The following SETX variants were observed in gnomAD, a reference collection of about 807,000 sequenced individuals.
The protein encoded by SETX is helicase senataxin.
SETX carries 90 observed loss-of-function variants against 227.2 expected under a neutral mutation model. The observed-to-expected ratio is 0.40, with a 90% CI of 0.33 to 0.47. The LOEUF is 0.47. SETX is among the 20% of genes least tolerant of loss of function. SETX has a pLI of 0.91. For synonymous variants in SETX, 1,210 were observed against 1,113.2 expected, an observed-to-expected ratio of 1.09 and a Z score of -1.73; for missense variants, 3,052 against 3,181.5, an observed-to-expected ratio of 0.96 and a Z score of 0.98.
chr9:132,354,524 A>T lies in SETX; in HGVS notation c.-115+393T>A, dbSNP rs1285786492. Among the ~76,000 whole-genome samples the T allele has an allele frequency of 2.6e-5, 4 of 151,834 alleles. No homozygotes were observed. The East Asian group carries it at 7.8e-4, about 29-fold the overall frequency. On this transcript the variant is annotated intron_variant, in intron 1 of 25. Coordinates refer to ENST00000224140, the MANE Select transcript of SETX (RefSeq NM_015046.7). Reference sequence around the variant, plus strand: ...AAAAAAAAAAAAAGAAAAAAGAAAAAAAAACAAAGGGAGGGACTCCAGGCG... The same window carrying T: ...AAAAAAAAAAAAAGAAAAAAGAAAATAAAACAAAGGGAGGGACTCCAGGCG...
intron 25 of SETX, among the ~76,000 whole-genome samples, chr9:132,265,194 C>T (rs1281142141): frequency 1.3e-5 from 2 of 149,288 alleles, no homozygotes; most frequent in African/African-American, 2.5e-5. Context: ...AAGACCTGGT[C>T]ACAACCTATA....
chr9:132,343,297 C>A (rs1339277596), intron 4 of SETX, among the ~76,000 whole-genome samples: 1 of 151,994 alleles, frequency 6.6e-6, no homozygotes, highest in Non-Finnish European at 1.5e-5. Context: ...CCAGCCTAGG[C>A]AACAAGAGCA....
chr9:132,301,086 TGC>T (rs1491319674), intron 11 of SETX, among the ~76,000 whole-genome samples: 1 of 140,164 alleles, frequency 7.1e-6, no homozygotes, highest in Non-Finnish European at 1.5e-5. Context: ...AGGTTTATTC[TGC>T]TTTTTTTTTT....
Position 132,328,277 on chromosome 9 carries a change from C to T in SETX, c.3321G>A (p.Glu1107=), listed in dbSNP as rs376572656. 5 of 1,613,964 alleles carry T rather than the reference C, an allele frequency of 3.1e-6. No individual in the cohort carries two copies. The highest frequency in any genetic ancestry group is 4.2e-6 in the Non-Finnish European group (5 of 1,179,972). The change falls in exon 10 of 26, where the codon GAG becomes GAA. Residue 1107 remains glutamate, a synonymous_variant. Transcript: ENST00000224140. ...PDDNNSVQDG[E]KKCLAPIANT... is the part of the protein sequence containing the mutation. ...TGGCTATAGGAGCCAAACATTTTTT[C>T]TCACCATCTTGAACTGAATTATTAT...
intron 11 of SETX, among the ~76,000 whole-genome samples, chr9:132,301,833 T>C (rs1025432609): frequency 5.3e-5 from 8 of 152,196 alleles, no homozygotes; most frequent in African/African-American, 1.9e-4. Context: ...GGAAAGACGG[T>C]TGTAAACTAC....
intron 10 of SETX, among the ~76,000 whole-genome samples, chr9:132,322,933 G>A (rs988100415): frequency 1.3e-5 from 2 of 152,066 alleles, no homozygotes; most frequent in Middle Eastern, 3.4e-3. Context: ...CTAAAAATAC[G>A]CTAAAAAGGA....
chr9:132,292,941 C>T (rs1219308690), intron 15 of SETX, among the ~76,000 whole-genome samples: 1 of 152,158 alleles, frequency 6.6e-6, no homozygotes, highest in Non-Finnish European at 1.5e-5. Context: ...CTGGCCCCAA[C>T]TCATTTTTTA....
intron 10 of SETX, among the ~76,000 whole-genome samples, chr9:132,313,487 T>A (rs1310762094): frequency 6.6e-6 from 1 of 152,234 alleles, no homozygotes; most frequent in Admixed American, 6.5e-5. Context: ...GACCGATTAA[T>A]GATAGCTGAA....
At chr9:132,331,022 T>C (rs1419039153) in intron 9 of SETX, 30 bp downstream of exon 9, 5 of 1,491,002 alleles carry the variant, frequency 3.4e-6, no homozygotes, top group Admixed American at 3.3e-5. Flanking sequence ...GGCAATAAAA[T>C]AGCATCTGAA....
chr9:132,275,939 T>C (rs543146997), intron 22 of SETX, among the ~76,000 whole-genome samples: 1 of 152,214 alleles, frequency 6.6e-6, no homozygotes, highest in East Asian at 1.9e-4. Flanking sequence ...GAAGGATGTG[T>C]CCCACTTGAC....
At chr9:132,315,559 CCCTT>C (rs1845915402) in intron 10 of SETX, among the ~76,000 whole-genome samples, 2 of 152,302 alleles carry the variant, frequency 1.3e-5, no homozygotes, top group African/African-American at 2.4e-5. Flanking sequence ...ATAAACAAAA[CCCTT>C]CCTTGTCTCC....
chr9:132,352,915 C>T (rs1048615851), intron 2 of SETX, among the ~76,000 whole-genome samples: 7 of 152,166 alleles, frequency 4.6e-5, no homozygotes, highest in South Asian at 2.1e-4. Context: ...CTCCCTCAGC[C>T]GCAATCTCTG....
rs1009512847 is a variant in SETX, at chr9:132,328,776, T to C, written c.2822A>G (p.Glu941Gly). Residue 941 changes from glutamate (E) to glycine (G), a missense_variant, in exon 10 of 26, where the codon GAA (glutamate) becomes GGA (glycine). Glu to Gly is a moderately conservative substitution (Grantham distance 98, BLOSUM62 -2). Coordinates refer to ENST00000224140, the MANE Select transcript of SETX (RefSeq NM_015046.7). ...TTTAGGACTGATGTCAGGGGCCTGT[T>C]CTCTTGTCAAGTTAGAATAAATCAC... Reference protein sequence around the residue: ...TSVIYSNLTREQAPDISPKSD... With the variant: ...TSVIYSNLTRGQAPDISPKSD... The C allele has an allele frequency of 1.2e-6, 2 of 1,610,938 alleles. No homozygotes were observed. The highest frequency in any genetic ancestry group is 1.7e-5 in the Admixed American group (1 of 59,488).
intron 4 of SETX, among the ~76,000 whole-genome samples, chr9:132,344,386 C>G: frequency 6.6e-6 from 1 of 152,054 alleles, no homozygotes; most frequent in Non-Finnish European, 1.5e-5. Flanking sequence ...GTTAAATTTT[C>G]TTTTTTGTAG....
intron 5 of SETX, among the ~76,000 whole-genome samples, chr9:132,337,106 GT>G (rs1300635406): frequency 1.3e-5 from 2 of 151,562 alleles, no homozygotes; most frequent in Non-Finnish European, 2.9e-5. Context: ...TTTTTTTTAA[GT>G]CTTTATCTTT....
At chr9:132,287,095 C>T (rs1843947127) in intron 17 of SETX, among the ~76,000 whole-genome samples, 2 of 152,308 alleles carry the variant, frequency 1.3e-5, no homozygotes, top group Non-Finnish European at 2.9e-5. Context: ...AGCTAATTCC[C>T]TTTCTGTCTA....
Position 132,292,519 on chromosome 9 carries a change from CAAAT to C in SETX, c.6106+3349_6106+3352del, listed in dbSNP as rs964080748. On this transcript the variant is annotated intron_variant, in intron 15 of 25. Coordinates refer to ENST00000224140, the MANE Select transcript of SETX (RefSeq NM_015046.7). ...ACTTATTCTGTTAAAAAAAAGACAA[CAAAT>C]AAAGACAACAAATACAATACTAATA... 6.3e-5 allele frequency among the ~76,000 whole-genome samples: 9 copies of C among 143,730 alleles called. 1 individual carries two copies. Among genetic ancestry groups the C allele is most frequent in the African/African-American group, 2.3e-4 (9 of 39,274 alleles). The allele number at this position is 143,730 out of a possible 152,430, so 94.3% of individuals were successfully genotyped here. A position where few individuals can be genotyped will look rare whatever the true frequency, so the allele number is the denominator to read the frequency against.
At chr9:132,269,919 G>A (rs913157988) in intron 24 of SETX, among the ~76,000 whole-genome samples, 22 of 125,480 alleles carry the variant, frequency 1.8e-4, no homozygotes, top group Admixed American at 7.7e-5. Flanking sequence ...ATCCTCATGT[G>A]AGACACAGGT....
intron 11 of SETX, among the ~76,000 whole-genome samples, chr9:132,309,387 A>G (rs1845517476): frequency 6.7e-6 from 1 of 148,944 alleles, no homozygotes; most frequent in South Asian, 2.1e-4. Context: ...ACTTGGGGGA[A>G]AAAAAAAAAA....
Sources: gnomAD v4.1 joint callset for allele counts (sites outside exome capture counted in the v4.1 genomes callset) on GRCh38, gnomAD v4.1.1 for gene constraint, MANE v1.5 for transcripts, NCBI Gene and HGNC (gene_info 2026-07-23, HGNC 2026-07-21) for gene names.